The following CA10 variants were observed in gnomAD, a reference collection of about 807,000 sequenced individuals.
The protein encoded by CA10 is carbonic anhydrase 10 (inactive).
In CA10, 14 loss-of-function variants were observed where a neutral mutation model predicts 44.2. The ratio of observed to expected loss-of-function variants is 0.32; its 90% CI spans 0.21 to 0.50. The LOEUF is 0.50. Ranked by LOEUF, CA10 falls within the 20% of genes least tolerant of loss-of-function variation. The pLI, the probability that CA10 is intolerant of heterozygous loss-of-function variation, is 0.99. For missense variants in CA10, 350 were observed against 409.7 expected, an observed-to-expected ratio of 0.85 and a Z score of 1.26; for synonymous variants, 159 against 141.6, an observed-to-expected ratio of 1.12 and a Z score of -0.87.
At chr17:52,017,382 A>G (rs1986001128) in intron 2 of CA10, among the ~76,000 whole-genome samples, 1 of 152,144 alleles carries the variant, frequency 6.6e-6, no homozygotes, top group Admixed American at 6.5e-5. Flanking sequence ...AGGCCAGGCT[A>G]ATTAAGTCTC....
At chr17:52,013,560 T>C (rs552657096) in intron 2 of CA10, among the ~76,000 whole-genome samples, 4 of 151,710 alleles carry the variant, frequency 2.6e-5, no homozygotes, top group African/African-American at 7.3e-5. Flanking sequence ...CAGAAACATA[T>C]AGAAAAATTT....
At chr17:51,945,467 C>T (rs561190766) in intron 2 of CA10, among the ~76,000 whole-genome samples, 6 of 152,236 alleles carry the variant, frequency 3.9e-5, no homozygotes, top group South Asian at 2.1e-4. Context: ...AACACGGACT[C>T]GTTCTGGGGT....
At chr17:51,776,171 C>T (rs1034988583) in intron 3 of CA10, among the ~76,000 whole-genome samples, 1 of 152,046 alleles carries the variant, frequency 6.6e-6, no homozygotes, top group African/African-American at 2.4e-5. Flanking sequence ...ACCAGCCTGA[C>T]CAACGTGGCA....
intron 2 of CA10, among the ~76,000 whole-genome samples, chr17:52,044,900 G>A (rs1986869482): frequency 6.6e-6 from 1 of 151,006 alleles, no homozygotes; most frequent in South Asian, 2.1e-4. Context: ...GTGGGTGATG[G>A]TAACAACTGT....
At chr17:51,873,248 C>T (rs1481684096) in intron 3 of CA10, among the ~76,000 whole-genome samples, 1 of 152,004 alleles carries the variant, frequency 6.6e-6, no homozygotes, top group Non-Finnish European at 1.5e-5. Flanking sequence ...GAGTAAGTAC[C>T]CAATAAATGA....
At chr17:51,964,979 A>G (rs1984029051) in intron 2 of CA10, among the ~76,000 whole-genome samples, 1 of 151,964 alleles carries the variant, frequency 6.6e-6, no homozygotes. Flanking sequence ...GTTTGAAAGG[A>G]TAAACAATTT....
At chr17:51,798,930 A>T (rs1284976771) in intron 3 of CA10, among the ~76,000 whole-genome samples, 1 of 152,230 alleles carries the variant, frequency 6.6e-6, no homozygotes, top group Admixed American at 6.5e-5. Flanking sequence ...GAAGAACATG[A>T]TGTGGGTACA....
At chr17:52,039,342 A>T (rs1473702904) in intron 2 of CA10, among the ~76,000 whole-genome samples, 2 of 151,608 alleles carry the variant, frequency 1.3e-5, no homozygotes, top group African/African-American at 4.8e-5. Flanking sequence ...ACCTTTTGTC[A>T]GCTAGAAGCT....
intron 3 of CA10, among the ~76,000 whole-genome samples, chr17:51,878,143 C>CAAAAA (rs558014863): frequency 0.012 from 736 of 63,272 alleles, no homozygotes; most frequent in Non-Finnish European, 0.013. Flanking sequence ...GACTCCGTCT[C>CAAAAA]AAAAAAAAAA....
At chr17:51,934,773 A>G (rs1437287665) in intron 2 of CA10, among the ~76,000 whole-genome samples, 3 of 152,148 alleles carry the variant, frequency 2.0e-5, no homozygotes, top group Non-Finnish European at 2.9e-5. Flanking sequence ...TTTAGTGCAG[A>G]TAAAAATGAG....
intron 4 of CA10, among the ~76,000 whole-genome samples, chr17:51,742,429 G>A (rs1197622552): frequency 6.6e-6 from 1 of 152,122 alleles, no homozygotes; most frequent in African/African-American, 2.4e-5. Context: ...GGCTCTCAAG[G>A]ATGTTCTCCT....
chr17:51,760,590 T>C (rs1467298428), intron 3 of CA10, among the ~76,000 whole-genome samples: 8 of 152,164 alleles, frequency 5.3e-5, no homozygotes, highest in Admixed American at 5.2e-4. Flanking sequence ...GGGGATGGGA[T>C]GCGAGACTTA....
intron 1 of CA10, among the ~76,000 whole-genome samples, chr17:52,116,766 A>C (rs1431723341): frequency 6.6e-6 from 1 of 152,140 alleles, no homozygotes; most frequent in Non-Finnish European, 1.5e-5. Context: ...AAAGGGTAAA[A>C]GTTTTTACCA....
At chr17:51,988,246 C>T (rs531674062) in intron 2 of CA10, among the ~76,000 whole-genome samples, 6 of 151,952 alleles carry the variant, frequency 3.9e-5, no homozygotes, top group East Asian at 1.9e-4. Context: ...AGACAGAAAT[C>T]GAGTTGGGTT....
intron 3 of CA10, among the ~76,000 whole-genome samples, chr17:51,798,346 TG>T (rs2143711611): frequency 6.6e-6 from 1 of 152,362 alleles, no homozygotes; most frequent in South Asian, 2.1e-4. Flanking sequence ...GTTGTGCATG[TG>T]CATCTGTGTC....
intron 2 of CA10, among the ~76,000 whole-genome samples, chr17:51,967,169 A>G (rs11868038): frequency 0.49 from 74,586 of 151,358 alleles, 18,896 homozygotes; most frequent in African/African-American, 0.57. Context: ...AATGGCTACT[A>G]TTAAAAAGCC....
At chr17:52,108,222 A>G (rs2143274367) in intron 1 of CA10, among the ~76,000 whole-genome samples, 1 of 140,024 alleles carries the variant, frequency 7.1e-6, no homozygotes, top group South Asian at 2.2e-4. Flanking sequence ...ATATATATAT[A>G]TATAATATGT....
chr17:51,879,351 A>G (rs761438697), intron 3 of CA10, among the ~76,000 whole-genome samples: 5 of 152,116 alleles, frequency 3.3e-5, no homozygotes, highest in African/African-American at 1.2e-4. Context: ...AAAATGTCCT[A>G]TTTTAATTAT....
At chr17:51,914,408 T>C (rs1360578367) in intron 3 of CA10, among the ~76,000 whole-genome samples, 1 of 152,172 alleles carries the variant, frequency 6.6e-6, no homozygotes, top group Non-Finnish European at 1.5e-5. Flanking sequence ...TGCCATTTTT[T>C]TGATGGAACG....
Sources: allele counts gnomAD v4.1 joint callset (sites outside exome capture counted in the v4.1 genomes callset), GRCh38; gene constraint gnomAD v4.1.1; transcripts MANE v1.5; gene names NCBI Gene and HGNC (gene_info 2026-07-23, HGNC 2026-07-21).